Variants in GPT2 observed in about 807,000 individuals in gnomAD.
GPT2 encodes the protein alanine aminotransferase 2.
Under a neutral mutation model 56.9 loss-of-function variants are expected in GPT2, and 30 were observed. The observed-to-expected ratio is 0.53, with a 90% CI of 0.39 to 0.72. The LOEUF (loss-of-function observed/expected upper bound fraction) is 0.72. Ranked by LOEUF, GPT2 falls within the 30% of genes least tolerant of loss-of-function variation. The probability of loss-of-function intolerance (pLI) is 0.00; values close to 1 mark genes in which losing one functional copy is unlikely to be tolerated. For synonymous variants in GPT2, 271 were observed against 283.1 expected (o/e 0.96, Z 0.43); for missense variants, 542 against 703.4 (o/e 0.77, Z 2.60).
intron 6 of GPT2, among the ~76,000 whole-genome samples, chr16:46,912,436 A>G (rs1389609339): frequency 6.6e-6 from 1 of 152,160 alleles, no homozygotes; most frequent in East Asian, 1.9e-4. Context: ...ACCATTCCCA[A>G]GTTGGGTCAC....
intron 4 of GPT2, among the ~76,000 whole-genome samples, chr16:46,902,529 G>A: frequency 6.6e-6 from 1 of 152,286 alleles, no homozygotes; most frequent in East Asian, 1.9e-4. Flanking sequence ...GCCCACAGGA[G>A]TAAAAAGAAA....
At chr16:46,895,464 G>A (rs1411370011) in intron 2 of GPT2, among the ~76,000 whole-genome samples, 1 of 151,976 alleles carries the variant, frequency 6.6e-6, no homozygotes, top group African/African-American at 2.4e-5. Context: ...GGTGGAGGTT[G>A]CAGTGAACCG....
At chr16:46,885,779 G>A (rs1056825018) in intron 2 of GPT2, among the ~76,000 whole-genome samples, 3 of 152,096 alleles carry the variant, frequency 2.0e-5, no homozygotes, top group South Asian at 4.1e-4. Context: ...TAGGACCTAG[G>A]AGAGAGTTAT....
chr16:46,909,618 G>A lies in GPT2; in HGVS notation c.577-66G>A, dbSNP rs900963447. The A allele has an allele frequency of 9.6e-6, 15 of 1,568,144 alleles. No homozygotes were observed. The East Asian group carries it at 1.4e-4, about 14-fold the overall frequency. On this transcript the variant is annotated intron_variant, in intron 5 of 11. Coordinates refer to ENST00000340124, the MANE Select transcript of GPT2 (RefSeq NM_133443.4). ...GACTGGAGGCATGCAGTGGGGCCAC[G>A]GGTGAAAGGCTAGGTCAGGGATGGG...
At chr16:46,921,675 A>G (rs1487986181) in intron 8 of GPT2, among the ~76,000 whole-genome samples, 1 of 152,088 alleles carries the variant, frequency 6.6e-6, no homozygotes, top group Non-Finnish European at 1.5e-5. Flanking sequence ...TTTAAAACTC[A>G]TCATGTGTCC....
chr16:46,886,355 C>T lies in GPT2; in HGVS notation c.243+1397C>T, dbSNP rs904499314. Among the ~76,000 whole-genome samples, 11 of 152,286 alleles carry T rather than the reference C, an allele frequency of 7.2e-5. No individual in the cohort carries two copies. The East Asian group carries it at 2.1e-3, about 29-fold the overall frequency. ...CTGATTTCTCTGGTTCCTGAGCTGG[C>T]AGGGGTTCCAGGAATTACCTCTGCC... On this transcript the variant is annotated intron_variant, in intron 2 of 11. Coordinates refer to ENST00000340124, the MANE Select transcript of GPT2 (RefSeq NM_133443.4).
In GPT2 at chr16:46,884,803, G is replaced by T; in HGVS notation, c.88G>T (p.Glu30Ter). Residue 30 changes from glutamate to a stop codon, truncating the protein, a stop_gained, in exon 2 of 12, where the codon GAG (glutamate) becomes TAG (stop). Transcript: ENST00000340124. LOFTEE classifies it high-confidence loss of function. ...WGRSQSSAAA[E>*]ASAVLKVRPE... is the part of the protein sequence containing the mutation. ...CCGCAGCCAGAGCAGCGCGGCCGCC[G>T]AGGCCTCGGCGGTGCTCAAGGTGCG... is the stretch of plus-strand genomic sequence containing the variant. The T allele has an allele frequency of 3.3e-6, 5 of 1,514,920 alleles. No homozygotes were observed. The highest frequency in any genetic ancestry group is 3.5e-6 in the Non-Finnish European group (4 of 1,131,204). 93.8% of individuals were successfully genotyped at this position (1,514,920 alleles called of 1,614,324 possible).
At position 46,884,956 on chromosome 16, in the gene GPT2, C is replaced by A; in HGVS notation, c.241C>A (p.Arg81=). The A allele has an allele frequency of 6.7e-7, 1 of 1,497,956 alleles. No individual in the cohort carries two copies. Among genetic ancestry groups the A allele is most frequent in the Non-Finnish European group, 8.9e-7 (1 of 1,118,376 alleles). The allele number at this position is 1,497,956 out of a possible 1,614,324, so 92.8% of individuals were successfully genotyped here. A position where few individuals can be genotyped will look rare whatever the true frequency, so the allele number is the denominator to read the frequency against. The stretch of plus-strand genomic sequence containing the variant: ...CGGCGAGATCGAGCTCGAGCTGCAG[C>A]GGGTGAGCGCGCGCTGGGCCCCGGG... ...KAGEIELELQ[R]GIKKPFTEVI... The change falls in exon 2 of 12, where the codon CGG becomes AGG. Residue 81 remains arginine, a splice_region_variant and synonymous_variant. Transcript: ENST00000340124.
intron 5 of GPT2, among the ~76,000 whole-genome samples, chr16:46,909,114 G>A (rs1410219024): frequency 6.6e-6 from 1 of 152,058 alleles, no homozygotes; most frequent in African/African-American, 2.4e-5. Flanking sequence ...GGTGGGTGTG[G>A]GGTGGGGTCT....
intron 8 of GPT2, among the ~76,000 whole-genome samples, 193 bp downstream of exon 8, chr16:46,918,950 C>T (rs376587039): frequency 1.4e-4 from 22 of 152,328 alleles, no homozygotes; most frequent in East Asian, 9.6e-4. Flanking sequence ...CAAATAAGGG[C>T]GTGCTCAGAG....
At chr16:46,900,983 G>A (rs1960806456) in intron 4 of GPT2, among the ~76,000 whole-genome samples, 193 bp downstream of exon 4, 1 of 152,338 alleles carries the variant, frequency 6.6e-6, no homozygotes, top group African/African-American at 2.4e-5. Flanking sequence ...TTAAGCAGGC[G>A]GTGCCGGTGC....
chr16:46,923,235 G>T (rs1454609359), intron 9 of GPT2, among the ~76,000 whole-genome samples: 1 of 152,202 alleles, frequency 6.6e-6, no homozygotes, highest in Non-Finnish European at 1.5e-5. Flanking sequence ...GTTGTGGCAG[G>T]CGGATCACCT....
chr16:46,899,802 C>T (rs1010478935), intron 3 of GPT2, among the ~76,000 whole-genome samples: 29 of 152,238 alleles, frequency 1.9e-4, no homozygotes, highest in Non-Finnish European at 3.8e-4. Flanking sequence ...GGCTTCAGAA[C>T]AGGCCTTACT....
At chr16:46,896,955 T>C (rs923451358) in intron 2 of GPT2, among the ~76,000 whole-genome samples, 1 of 152,212 alleles carries the variant, frequency 6.6e-6, no homozygotes, top group African/African-American at 2.4e-5. Context: ...CCCAACACTT[T>C]GGGAGGCCAA....
intron 6 of GPT2, among the ~76,000 whole-genome samples, chr16:46,912,361 C>T (rs1173021928): frequency 6.6e-6 from 1 of 152,196 alleles, no homozygotes; most frequent in East Asian, 1.9e-4. Flanking sequence ...CTTGGAGTGG[C>T]TTCAGCACTT....
chr16:46,922,209 C>T (rs1375581001), intron 8 of GPT2, 33 bp from the exon 9 acceptor site: 2 of 1,606,746 alleles, frequency 1.2e-6, no homozygotes, highest in South Asian at 1.1e-5. Flanking sequence ...CTTTCTATAA[C>T]TGGTGGTCCT....
intron 3 of GPT2, 83 bp from the exon 4 acceptor site, chr16:46,900,599 C>A: frequency 1.9e-6 from 2 of 1,037,316 alleles, no homozygotes; most frequent in Non-Finnish European, 3.0e-6. Context: ...TGGGAGCTGT[C>A]ATCCTCCCAG....
intron 9 of GPT2, among the ~76,000 whole-genome samples, chr16:46,923,281 G>C (rs1414313319): frequency 6.6e-6 from 1 of 152,184 alleles, no homozygotes; most frequent in Non-Finnish European, 1.5e-5. Context: ...GGCCAACATG[G>C]TCAAACCTCA....
rs538156032 is a variant in GPT2, at chr16:46,891,638, C to T, written c.244-6010C>T. ...TGCTGGGATTACAGGTGTGAGCCAC[C>T]GCGCCCGGGCAGTAGATGTATTATT... On this transcript the variant is annotated intron_variant, in intron 2 of 11. Coordinates refer to ENST00000340124, the MANE Select transcript of GPT2 (RefSeq NM_133443.4). 8.5e-5 allele frequency among the ~76,000 whole-genome samples: 13 copies of T among 152,152 alleles called. No homozygotes were observed. In the South Asian group the frequency reaches 1.5e-3, roughly 17 times the overall value.
Sources: gnomAD v4.1 joint callset for allele counts (sites outside exome capture counted in the v4.1 genomes callset) on GRCh38, gnomAD v4.1.1 for gene constraint, MANE v1.5 for transcripts, NCBI Gene and HGNC (gene_info 2026-07-23, HGNC 2026-07-21) for gene names.